SLC5A8: variants seen among roughly 807,000 people sequenced by gnomAD.
SLC5A8 encodes the protein solute carrier family 5 member 8.
In SLC5A8, 55 loss-of-function variants were observed where a neutral mutation model predicts 71.9. The ratio of observed to expected loss-of-function variants is 0.77; its 90% CI spans 0.62 to 0.96. The LOEUF (loss-of-function observed/expected upper bound fraction) is 0.96, where lower values mean the gene tolerates loss of function less well. SLC5A8 is among the 40% of genes least tolerant of loss of function. SLC5A8 has a pLI of 0.00. For synonymous variants in SLC5A8, 307 were observed against 276.1 expected (o/e 1.11, Z -1.11); for missense variants, 701 against 745.3 (o/e 0.94, Z 0.69).
intron 13 of SLC5A8, among the ~76,000 whole-genome samples, chr12:101,160,108 G>A (rs2051710667): frequency 6.6e-6 from 1 of 152,172 alleles, no homozygotes; most frequent in African/African-American, 2.4e-5. Context: ...CTTGAACGCA[G>A]GAGGCAGAGG....
chr12:101,188,667 C>G (rs1868766763), intron 6 of SLC5A8, among the ~76,000 whole-genome samples: 2 of 152,202 alleles, frequency 1.3e-5, no homozygotes, highest in Admixed American at 1.3e-4. Flanking sequence ...TAGCGATTCT[C>G]TGATAAACTC....
intron 10 of SLC5A8, among the ~76,000 whole-genome samples, chr12:101,179,601 ACAGATTAG>A (rs1315187790): frequency 6.6e-6 from 1 of 152,318 alleles, no homozygotes; most frequent in Non-Finnish European, 1.5e-5. Flanking sequence ...GAAATGGAAA[ACAGATTAG>A]TTGTTGCCAG....
At chr12:101,195,248 A>G in intron 3 of SLC5A8, 86 bp from the exon 4 acceptor site, 1 of 1,427,506 alleles carries the variant, frequency 7.0e-7, no homozygotes, top group Non-Finnish European at 9.7e-7. Context: ...AGGAAGCTAT[A>G]TCATTTATCA....
intron 13 of SLC5A8, among the ~76,000 whole-genome samples, chr12:101,161,522 T>C (rs2051723058): frequency 1.3e-5 from 2 of 152,204 alleles, no homozygotes; most frequent in African/African-American, 4.8e-5. Context: ...ATATAACCTG[T>C]GTATGCTTCT....
Position 101,190,485 on chromosome 12 carries a change from G to A in SLC5A8, c.816C>T (p.Ser272=). 1 of 1,612,208 alleles carries A rather than the reference G, an allele frequency of 6.2e-7. No homozygotes were observed. Among genetic ancestry groups the A allele is most frequent in the Non-Finnish European group, 8.5e-7 (1 of 1,179,324 alleles). Residue 272 remains serine, a synonymous_variant, in exon 6 of 15, where the codon AGC becomes AGT. Coordinates refer to ENST00000536262, the MANE Select transcript of SLC5A8 (RefSeq NM_145913.5). ...TGACTTACAGTTTTGCCTGGAATCT[G>A]CTTTTACAAGAAATATATCTCTGCA... ...SQVQRYISCK[S]RFQAKLSLYI... is the part of the protein sequence containing the mutation.
chr12:101,178,496 A>T (rs1375722253), intron 10 of SLC5A8, among the ~76,000 whole-genome samples: 1 of 152,182 alleles, frequency 6.6e-6, no homozygotes, highest in Non-Finnish European at 1.5e-5. Context: ...GAAAACAGAG[A>T]ATTCAGAAAT....
Position 101,202,035 on chromosome 12 carries a change from C to T in SLC5A8, c.469+129G>A, listed in dbSNP as rs191807388. 2.3e-4 allele frequency: 209 copies of T among 908,428 alleles called. 2 individuals are homozygous for T. In the East Asian group the frequency reaches 4.7e-3, roughly 20 times the overall value. 56.3% of individuals were successfully genotyped at this position (908,428 alleles called of 1,614,324 possible). ...TGTAGACACTGAACCCATCCTGCCC[C>T]GCTAAGTAAAGCTGATGCAGGTTAC... is the stretch of plus-strand genomic sequence containing the variant. On this transcript the variant is annotated intron_variant, in intron 3 of 14. Coordinates refer to ENST00000536262, the MANE Select transcript of SLC5A8 (RefSeq NM_145913.5).
intron 3 of SLC5A8, 27 bp from the exon 4 acceptor site, chr12:101,195,189 T>C (rs1869117586): frequency 6.2e-7 from 1 of 1,609,918 alleles, no homozygotes; most frequent in Non-Finnish European, 8.5e-7. Flanking sequence ...AATGCATATA[T>C]AATTGTGAAA....
intron 1 of SLC5A8, among the ~76,000 whole-genome samples, chr12:101,207,358 A>G (rs889070476): frequency 3.3e-5 from 5 of 152,228 alleles, no homozygotes; most frequent in Admixed American, 3.3e-4. Flanking sequence ...TGTCCACAAA[A>G]TGGGGCTCTT....
intron 1 of SLC5A8, among the ~76,000 whole-genome samples, chr12:101,207,406 G>A (rs1041031002): frequency 6.6e-6 from 1 of 152,220 alleles, no homozygotes; most frequent in Non-Finnish European, 1.5e-5. Context: ...CTGAATGTGA[G>A]TCAGATAATG....
chr12:101,189,170 C>A (rs1868792626), intron 6 of SLC5A8, among the ~76,000 whole-genome samples: 1 of 152,192 alleles, frequency 6.6e-6, no homozygotes. Context: ...AGAAGAAGAG[C>A]TTGTCCACAA....
chr12:101,192,839 A>C (rs1446484961), intron 5 of SLC5A8, among the ~76,000 whole-genome samples: 2 of 152,164 alleles, frequency 1.3e-5, no homozygotes, highest in Middle Eastern at 3.2e-3. Flanking sequence ...GAAACTCTCA[A>C]AGTTGCTTAA....
chr12:101,155,868 A>C lies in SLC5A8; in HGVS notation c.*1411T>G, dbSNP rs2051655673. On this transcript the variant is annotated 3_prime_UTR_variant, in exon 15 of 15. Coordinates refer to ENST00000536262, the MANE Select transcript of SLC5A8 (RefSeq NM_145913.5). ...CTAAATGTACAGGGCATGATTACCT[A>C]AATAACACGTATCAGAAAATAAGCA... The C allele has an allele frequency of 6.6e-6, 1 of 151,522 alleles. No homozygotes were observed. Among genetic ancestry groups the C allele is most frequent in the Non-Finnish European group, 1.5e-5 (1 of 67,970 alleles). The allele number at this position is 151,522 out of a possible 1,614,324, so 9.4% of individuals were successfully genotyped here. A position where few individuals can be genotyped will look rare whatever the true frequency, so the allele number is the denominator to read the frequency against.
In SLC5A8 at chr12:101,193,746, A is replaced by G; in HGVS notation, c.571T>C (p.Phe191Leu). Residue 191 changes from phenylalanine (F) to leucine (L), a missense_variant, in exon 5 of 15, where the codon TTT (phenylalanine) becomes CTT (leucine). Coordinates refer to ENST00000536262, the MANE Select transcript of SLC5A8 (RefSeq NM_145913.5). ...CCAGCCACCATGATCCCAACTTGAA[A>G]AACATCTGTCCAGATAACTGCTTTA... ...GLKAVIWTDV[F>L]QVGIMVAGFA... The G allele has an allele frequency of 6.2e-7, 1 of 1,614,162 alleles. No homozygotes were observed.
intron 10 of SLC5A8, among the ~76,000 whole-genome samples, chr12:101,169,072 G>A (rs1021318808): frequency 1.3e-5 from 2 of 152,182 alleles, no homozygotes; most frequent in African/African-American, 2.4e-5. Context: ...AGGAGAACTA[G>A]TGTTTAAAAG....
At chr12:101,182,967 C>T in intron 8 of SLC5A8, 52 bp from the exon 9 acceptor site, 2 of 850,602 alleles carry the variant, frequency 2.4e-6, no homozygotes, top group South Asian at 2.2e-5. Context: ...TTTAATAATA[C>T]TTTAAGTGGG....
chr12:101,190,466 AC>A lies in SLC5A8; in HGVS notation c.833+1del. On this transcript the variant is annotated splice_donor_variant, in intron 6 of 14. Transcript: ENST00000536262. LOFTEE classifies it high-confidence loss of function. ...ATTCATATACCATGGTGTGTGACTT[AC>A]AGTTTTGCCTGGAATCTGCTTTTAC... The A allele has an allele frequency of 6.2e-7, 1 of 1,612,332 alleles. No homozygotes were observed. Among genetic ancestry groups the A allele is most frequent in the Non-Finnish European group, 8.5e-7 (1 of 1,179,380 alleles).
intron 10 of SLC5A8, among the ~76,000 whole-genome samples, chr12:101,175,901 G>A (rs1780691851): frequency 6.6e-6 from 1 of 151,988 alleles, no homozygotes; most frequent in Admixed American, 6.6e-5. Context: ...ATGGTAGAAA[G>A]AAGGAACCAC....
At chr12:101,158,710 TC>T (rs2137119017) in intron 13 of SLC5A8, among the ~76,000 whole-genome samples, 1 of 145,384 alleles carries the variant, frequency 6.9e-6, no homozygotes, top group Non-Finnish European at 1.5e-5. Flanking sequence ...AGAGAAACAG[TC>T]ATCTGGCCCA....
Sources: allele counts gnomAD v4.1 joint callset (sites outside exome capture counted in the v4.1 genomes callset), GRCh38; gene constraint gnomAD v4.1.1; transcripts MANE v1.5; gene names NCBI Gene and HGNC (gene_info 2026-07-23, HGNC 2026-07-21).